Variants in SLC12A8 observed in about 807,000 individuals in gnomAD.
SLC12A8 encodes solute carrier family 12 member 8.
SLC12A8 carries 69 observed loss-of-function variants against 75.6 expected under a neutral mutation model. The ratio of observed to expected loss-of-function variants is 0.91; its 90% confidence interval spans 0.75 to 1.11. The LOEUF (loss-of-function observed/expected upper bound fraction) is 1.11. SLC12A8 is among the 50% of genes most tolerant of loss of function. The pLI is 0.00. For missense variants in SLC12A8, 877 were observed against 896.7 expected (o/e 0.98, Z 0.28); for synonymous variants, 365 against 372.8 (o/e 0.98, Z 0.24).
chr3:125,128,012 G>A (rs967138617), intron 6 of SLC12A8, among the ~76,000 whole-genome samples: 29 of 151,796 alleles, frequency 1.9e-4, no homozygotes, highest in African/African-American at 6.8e-4. Context: ...GAGTAGCTGG[G>A]ACTACAGGCA....
intron 2 of SLC12A8, among the ~76,000 whole-genome samples, chr3:125,208,747 TACACACACACACACACACAC>T (rs61130966): frequency 8.0e-5 from 7 of 87,376 alleles, no homozygotes; most frequent in African/African-American, 1.3e-4. Context: ...CTGACCAATC[TACACACACACACACACACAC>T]ACACACACAC....
intron 5 of SLC12A8, among the ~76,000 whole-genome samples, chr3:125,165,407 C>G (rs926440000): frequency 1.3e-4 from 20 of 152,234 alleles, no homozygotes; most frequent in African/African-American, 2.4e-4. Flanking sequence ...CCAGGCTGCC[C>G]TAGCTCACTG....
At chr3:125,149,388 T>C (rs866140004) in intron 5 of SLC12A8, among the ~76,000 whole-genome samples, 1 of 152,222 alleles carries the variant, frequency 6.6e-6, no homozygotes, top group African/African-American at 2.4e-5. Flanking sequence ...TTCTGGTCAG[T>C]CAGTTTTTCT....
intron 8 of SLC12A8, among the ~76,000 whole-genome samples, chr3:125,115,033 G>T (rs1233747627): frequency 6.6e-6 from 1 of 151,994 alleles, no homozygotes; most frequent in African/African-American, 2.4e-5. Context: ...GATCTGTAAG[G>T]GTATGCCCAT....
intron 5 of SLC12A8, among the ~76,000 whole-genome samples, chr3:125,177,117 C>T (rs1934549780): frequency 6.6e-6 from 1 of 151,946 alleles, no homozygotes; most frequent in Admixed American, 6.6e-5. Flanking sequence ...AAATGTGGCA[C>T]ATATACACCA....
At chr3:125,156,897 C>G (rs962594989) in intron 5 of SLC12A8, among the ~76,000 whole-genome samples, 3 of 152,192 alleles carry the variant, frequency 2.0e-5, no homozygotes, top group Non-Finnish European at 2.9e-5. Context: ...ACCTTTTGCT[C>G]AGCTTTTATG....
At position 125,111,118 on chromosome 3, in the gene SLC12A8, G is replaced by A. The variant is rs567516388; in HGVS notation, c.913-783C>T. Reference sequence around the variant, plus strand: ...TGCTCCATAGCATCCCCAACATGATGTTAGGATAGCACCTATCGTGGTGCC... The same window carrying A: ...TGCTCCATAGCATCCCCAACATGATATTAGGATAGCACCTATCGTGGTGCC... On this transcript the variant is annotated intron_variant, in intron 8 of 13. Transcript: ENST00000469902. Among the ~76,000 whole-genome samples, 13 of 152,302 alleles carry A rather than the reference G, an allele frequency of 8.5e-5. No individual in the cohort carries two copies. The South Asian group carries it at 2.7e-3, about 32-fold the overall frequency.
At chr3:125,159,496 G>C (rs755526998) in intron 5 of SLC12A8, among the ~76,000 whole-genome samples, 11 of 152,232 alleles carry the variant, frequency 7.2e-5, no homozygotes, top group Non-Finnish European at 1.5e-4. Flanking sequence ...CAGTGGTACA[G>C]ATATCAGTCC....
intron 5 of SLC12A8, among the ~76,000 whole-genome samples, chr3:125,139,774 C>A (rs1225778140): frequency 6.6e-6 from 1 of 152,232 alleles, no homozygotes; most frequent in Non-Finnish European, 1.5e-5. Context: ...CCTGCCATGC[C>A]CTCCGACAGT....
chr3:125,091,643 A>T, intron 11 of SLC12A8, 87 bp from the exon 12 acceptor site: 1 of 841,634 alleles, frequency 1.2e-6, no homozygotes, highest in Non-Finnish European at 2.1e-6. Flanking sequence ...CAGCAACAAC[A>T]TTCCCTCTCA....
At chr3:125,205,814 A>G (rs1935216933) in intron 2 of SLC12A8, among the ~76,000 whole-genome samples, 1 of 152,174 alleles carries the variant, frequency 6.6e-6, no homozygotes, top group Admixed American at 6.5e-5. Flanking sequence ...CCTTTTTACT[A>G]GAGAGTCCAT....
intron 5 of SLC12A8, among the ~76,000 whole-genome samples, chr3:125,157,528 C>T (rs1934076063): frequency 6.6e-6 from 1 of 152,196 alleles, no homozygotes; most frequent in Admixed American, 6.5e-5. Context: ...GGGAAGAACT[C>T]TCTCTTGAAC....
At chr3:125,120,967 G>T in intron 6 of SLC12A8, 1 of 668,192 alleles carries the variant, frequency 1.5e-6, no homozygotes, top group Admixed American at 2.7e-5. Context: ...CAACCAGGGG[G>T]GAGGAAAGCG....
rs201045712 is a variant in SLC12A8, at chr3:125,110,341, T to C, written c.913-6A>G. 3.7e-5 allele frequency: 60 copies of C among 1,608,532 alleles called. No individual in the cohort carries two copies. In the African/African-American group the frequency reaches 6.4e-4, roughly 17 times the overall value. On this transcript the variant is annotated splice_polypyrimidine_tract_variant and splice_region_variant and intron_variant, in intron 8 of 13. Coordinates refer to ENST00000469902, the MANE Select transcript of SLC12A8 (RefSeq NM_024628.6). ...AGGAAGCCCATGAGGGATACCTGTG[T>C]GAGAAGCGGTTTCATTCGCCAGTGC...
intron 8 of SLC12A8, among the ~76,000 whole-genome samples, chr3:125,116,390 C>T (rs902052599): frequency 3.9e-5 from 6 of 152,200 alleles, no homozygotes; most frequent in Non-Finnish European, 8.8e-5. Flanking sequence ...TGCATAATTA[C>T]ATTCCCAAGT....
Position 125,092,148 on chromosome 3 carries a change from T to A in SLC12A8, c.1756A>T (p.Thr586Ser), listed in dbSNP as rs750325659. Residue 586 changes from threonine to serine, a missense_variant, in exon 11 of 14, where the codon ACT becomes TCT. Physicochemically the swap from Thr to Ser is moderately conservative, Grantham distance 58. Transcript: ENST00000469902. ...TTGCACATGTGGGTATAGAAAGAAGTGGATCTTCTCCAGACATCTTGTTCT... is the reference window on the plus strand; with the variant it reads ...TTGCACATGTGGGTATAGAAAGAAGAGGATCTTCTCCAGACATCTTGTTCT... ...LQEQDVWRRS[T>S]SFYTHMCNPW... 1 of 1,613,152 alleles carries A rather than the reference T, an allele frequency of 6.2e-7. No individual in the cohort carries two copies. Among genetic ancestry groups the A allele is most frequent in the Non-Finnish European group, 8.5e-7 (1 of 1,179,290 alleles).
chr3:125,145,609 T>G (rs1440189328), intron 5 of SLC12A8, among the ~76,000 whole-genome samples: 2 of 152,326 alleles, frequency 1.3e-5, no homozygotes, highest in East Asian at 3.9e-4. Flanking sequence ...CAGGGCATCC[T>G]TTCCAAAACC....
At position 125,157,401 on chromosome 3, in the gene SLC12A8, T is replaced by C. The variant is rs182847143; in HGVS notation, c.622+20342A>G. Among the ~76,000 whole-genome samples the C allele has an allele frequency of 7.2e-3, 1,096 of 152,310 alleles. 14 individuals carry two copies. Among genetic ancestry groups the C allele is most frequent in the African/African-American group, 0.024 (1,012 of 41,564 alleles). ...TGTGATCTGAACAGAGACAAGCTAC[T>C]GTTCTGCTTTTCACCAAGACCTGTG... is the stretch of plus-strand genomic sequence containing the variant. On this transcript the variant is annotated intron_variant, in intron 5 of 13. Transcript: ENST00000469902.
At position 125,190,481 on chromosome 3, in the gene SLC12A8, A is replaced by G. The variant is rs1251173305; in HGVS notation, c.92T>C (p.Leu31Pro). 1 of 1,614,216 alleles carries G rather than the reference A, an allele frequency of 6.2e-7. No homozygotes were observed. Among genetic ancestry groups the G allele is most frequent in the Middle Eastern group, 1.6e-4 (1 of 6,062 alleles). ...AQPQPWWKTQ[L>P]FMWEPVLFGT... ...AAACAGCACAGGCTCCCACATGAAC[A>G]GCTGGGTCTTCCACCAGGGCTGGGG... Residue 31 changes from leucine (L) to proline (P), a missense_variant, in exon 3 of 14, where the codon CTG (leucine) becomes CCG (proline). Physicochemically the swap from Leu to Pro is moderately conservative, Grantham distance 98. Coordinates refer to ENST00000469902, the MANE Select transcript of SLC12A8 (RefSeq NM_024628.6).
Sources: allele counts gnomAD v4.1 joint callset (sites outside exome capture counted in the v4.1 genomes callset), GRCh38; gene constraint gnomAD v4.1.1; transcripts MANE v1.5; gene names NCBI Gene and HGNC (gene_info 2026-07-23, HGNC 2026-07-21).